MPZL1: variants seen among roughly 807,000 people sequenced by gnomAD.
The protein encoded by MPZL1 is myelin protein zero like 1.
A neutral mutation model predicts 29.3 loss-of-function variants in MPZL1; 16 were observed. The ratio of observed to expected loss-of-function variants is 0.55; its 90% CI spans 0.37 to 0.83. The LOEUF is 0.83. Ranked by LOEUF, MPZL1 falls within the 40% of genes least tolerant of loss-of-function variation. The probability of loss-of-function intolerance (pLI) is 0.00; values close to 1 mark genes in which losing one functional copy is unlikely to be tolerated. For missense variants in MPZL1, 279 were observed against 332.9 expected (o/e 0.84, Z 1.26); for synonymous variants, 143 against 132.0 (o/e 1.08, Z -0.57).
intron 1 of MPZL1, among the ~76,000 whole-genome samples, chr1:167,751,108 C>G (rs1389545406): frequency 1.3e-5 from 2 of 152,188 alleles, no homozygotes; most frequent in African/African-American, 4.8e-5. Context: ...AAGGTGTTGT[C>G]TGCCATGTTT....
At chr1:167,770,517 GT>G (rs1661217226) in intron 2 of MPZL1, among the ~76,000 whole-genome samples, 1 of 152,276 alleles carries the variant, frequency 6.6e-6, no homozygotes, top group Non-Finnish European at 1.5e-5. Flanking sequence ...AGAGTATCTT[GT>G]GTTATCTGGG....
At chr1:167,781,082 A>G (rs1661486742) in intron 5 of MPZL1, among the ~76,000 whole-genome samples, 1 of 152,138 alleles carries the variant, frequency 6.6e-6, no homozygotes, top group Non-Finnish European at 1.5e-5. Context: ...TTATACTTCT[A>G]ATAATAGAGC....
chr1:167,773,224 CTT>C lies in MPZL1; in HGVS notation c.473-10_473-9del, dbSNP rs1558123565. On this transcript the variant is annotated splice_polypyrimidine_tract_variant and intron_variant, in intron 3 of 5. Transcript: ENST00000359523. ...CAATGTACCTTAAAACTATTTTGTTCTTTCTCTCTAGAGAATTTGCCTGTGTT... is the reference window on the plus strand; with the variant it reads ...CAATGTACCTTAAAACTATTTTGTTCTCTCTCTAGAGAATTTGCCTGTGTT... The C allele has an allele frequency of 6.2e-7, 1 of 1,608,518 alleles. No individual in the cohort carries two copies. Among genetic ancestry groups the C allele is most frequent in the East Asian group, 2.2e-5 (1 of 44,792 alleles).
intron 1 of MPZL1, among the ~76,000 whole-genome samples, chr1:167,762,273 G>A (rs55968444): frequency 0.16 from 24,884 of 152,100 alleles, 2,360 homozygotes; most frequent in East Asian, 0.35. Context: ...ATTGTCTGTG[G>A]CAGTTGTCAG....
intron 1 of MPZL1, among the ~76,000 whole-genome samples, chr1:167,743,348 C>T (rs548020055): frequency 5.7e-4 from 87 of 151,988 alleles, no homozygotes; most frequent in Non-Finnish European, 1.1e-3. Context: ...GTAGCTGGGA[C>T]TACAGGCGCA....
rs182775918 is a variant in MPZL1, at chr1:167,784,478, A to G, written c.709-3342A>G. Among the ~76,000 whole-genome samples the G allele has an allele frequency of 1.8e-3, 279 of 152,308 alleles. 2 individuals carry two copies. Among genetic ancestry groups the G allele is most frequent in the South Asian group, 6.0e-3 (29 of 4,826 alleles). Reference sequence around the variant, plus strand: ...ATTATACCCAAAAGTGAATGTCTTAACAATGGTAGGTTCATTTCAAAGTTG... The same window carrying G: ...ATTATACCCAAAAGTGAATGTCTTAGCAATGGTAGGTTCATTTCAAAGTTG... On this transcript the variant is annotated intron_variant, in intron 5 of 5. Transcript: ENST00000359523.
chr1:167,790,393 A>C lies in MPZL1; in HGVS notation c.*2472A>C, dbSNP rs1274296122. ...GTTCTCACCAACCTTCCCCCCAGGC[A>C]AGGGCAGCTGCCAGCATGGTGCTCT... On this transcript the variant is annotated 3_prime_UTR_variant, in exon 6 of 6. Coordinates refer to ENST00000359523, the MANE Select transcript of MPZL1 (RefSeq NM_003953.6). The C allele has an allele frequency of 6.6e-6, 1 of 152,318 alleles. No individual in the cohort carries two copies. Among genetic ancestry groups the C allele is most frequent in the African/African-American group, 2.4e-5 (1 of 41,444 alleles). 9.4% of individuals were successfully genotyped at this position (152,318 alleles called of 1,614,324 possible). A position where few individuals can be genotyped will look rare whatever the true frequency, so the allele number is the denominator to read the frequency against.
At chr1:167,785,763 T>G (rs996340970) in intron 5 of MPZL1, among the ~76,000 whole-genome samples, 1 of 152,214 alleles carries the variant, frequency 6.6e-6, no homozygotes, top group Non-Finnish European at 1.5e-5. Flanking sequence ...AGGGAACAGT[T>G]AGTTTAATTC....
intron 1 of MPZL1, 136 bp downstream of exon 1, chr1:167,722,378 G>GGTCCCCTC: frequency 8.2e-7 from 1 of 1,220,080 alleles, no homozygotes; most frequent in Non-Finnish European, 1.0e-6. Context: ...GCGCTCTCTG[G>GGTCCCCTC]GGCCGAGGGG....
Position 167,788,003 on chromosome 1 carries a change from T to C in MPZL1, c.*82T>C, listed in dbSNP as rs1661624908. On this transcript the variant is annotated 3_prime_UTR_variant, in exon 6 of 6. Transcript: ENST00000359523. ...AGAAAATGTAGCCCATTACCACATGTAGCCTTGGAGACCCAGGCAAGGACA... is the reference window on the plus strand; with the variant it reads ...AGAAAATGTAGCCCATTACCACATGCAGCCTTGGAGACCCAGGCAAGGACA... 5 of 1,180,400 alleles carry C rather than the reference T, an allele frequency of 4.2e-6. No individual in the cohort carries two copies. The East Asian group carries it at 9.5e-5, about 22-fold the overall frequency. The allele number at this position is 1,180,400 out of a possible 1,614,324, so 73.1% of individuals were successfully genotyped here.
intron 1 of MPZL1, among the ~76,000 whole-genome samples, chr1:167,750,985 AT>A (rs1660743215): frequency 6.6e-6 from 1 of 152,174 alleles, no homozygotes; most frequent in Non-Finnish European, 1.5e-5. Flanking sequence ...GGCTATCCAT[AT>A]TTGGCAGGAA....
At chr1:167,753,230 A>G (rs1378885241) in intron 1 of MPZL1, among the ~76,000 whole-genome samples, 1 of 152,316 alleles carries the variant, frequency 6.6e-6, no homozygotes, top group East Asian at 1.9e-4. Flanking sequence ...CCCTGAGGTA[A>G]GCTGGCTGCG....
intron 1 of MPZL1, among the ~76,000 whole-genome samples, chr1:167,731,146 G>C (rs1261259778): frequency 6.6e-6 from 1 of 152,142 alleles, no homozygotes; most frequent in African/African-American, 2.4e-5. Context: ...TTTAAGACCA[G>C]AAAATGGGCC....
rs1033760812 is a variant in MPZL1 at position 167,791,621 on chromosome 1, G to C, written c.*3700G>C. ...GAGAAGAGGGGCTGGGCCTGGGGCC[G>C]CTGTTTGATCCACAGCCTTGTTCCT... On this transcript the variant is annotated 3_prime_UTR_variant, in exon 6 of 6. Transcript: ENST00000359523. 6.6e-6 allele frequency: 1 copy of C among 152,300 alleles called. No individual in the cohort carries two copies. The highest frequency in any genetic ancestry group is 1.9e-4 in the East Asian group (1 of 5,202). The allele number at this position is 152,300 out of a possible 1,614,324, so 9.4% of individuals were successfully genotyped here.
At chr1:167,737,510 G>C (rs982709576) in intron 1 of MPZL1, among the ~76,000 whole-genome samples, 3 of 152,160 alleles carry the variant, frequency 2.0e-5, no homozygotes, top group Non-Finnish European at 4.4e-5. Flanking sequence ...ATAAACGCTG[G>C]GGGGCTAGTA....
intron 5 of MPZL1, among the ~76,000 whole-genome samples, chr1:167,777,434 A>G (rs375687042): frequency 6.6e-6 from 1 of 152,364 alleles, no homozygotes; most frequent in East Asian, 1.9e-4. Context: ...ACTGCCTTGA[A>G]GCAGTTTCCA....
chr1:167,773,347 ACT>A lies in MPZL1; in HGVS notation c.587_588del (p.Ser196Ter). 1 of 1,613,178 alleles carries A rather than the reference ACT, an allele frequency of 6.2e-7. No individual in the cohort carries two copies. The highest frequency in any genetic ancestry group is 8.5e-7 in the Non-Finnish European group (1 of 1,179,654). Reference sequence around the variant, plus strand: ...CTGGCTGTCCTCTATAGAAGGAAAAACTCTAAACGGGATTACACTGGGTAAGA... The same window carrying A: ...CTGGCTGTCCTCTATAGAAGGAAAAACTAAACGGGATTACACTGGGTAAGA... On this transcript the variant is annotated frameshift_variant, in exon 4 of 6. Coordinates refer to ENST00000359523, the MANE Select transcript of MPZL1 (RefSeq NM_003953.6). LOFTEE classifies it high-confidence loss of function.
Position 167,737,532 on chromosome 1 carries a change from A to T in MPZL1, c.91+15290A>T, listed in dbSNP as rs6680816. Reference sequence around the variant, plus strand: ...CTGGGGGGCTAGTATATTTTAGCAGATCGGGTTGTTAGTACATTCTCTCCC... The same window carrying T: ...CTGGGGGGCTAGTATATTTTAGCAGTTCGGGTTGTTAGTACATTCTCTCCC... On this transcript the variant is annotated intron_variant, in intron 1 of 5. Transcript: ENST00000359523. Among the ~76,000 whole-genome samples, 388 of 152,296 alleles carry T rather than the reference A, an allele frequency of 2.5e-3. 3 individuals carry two copies. The highest frequency in any genetic ancestry group is 0.01 in the Middle Eastern group (3 of 294).
chr1:167,787,903 G>C lies in MPZL1; in HGVS notation c.792G>C (p.Ala264=). 1 of 1,611,802 alleles carries C rather than the reference G, an allele frequency of 6.2e-7. No homozygotes were observed. Among genetic ancestry groups the C allele is most frequent in the Non-Finnish European group, 8.5e-7 (1 of 1,177,942 alleles). Residue 264 remains alanine, a synonymous_variant, in exon 6 of 6, where the codon GCG becomes GCC. Coordinates refer to ENST00000359523, the MANE Select transcript of MPZL1 (RefSeq NM_003953.6). ...KINKSESVVY[A]DIRKN ...ACAAGTCAGAGTCTGTGGTGTATGC[G>C]GATATCCGAAAGAATTAAGAGAATA...
Sources: gnomAD v4.1 joint callset for allele counts (sites outside exome capture counted in the v4.1 genomes callset) on GRCh38, gnomAD v4.1.1 for gene constraint, MANE v1.5 for transcripts, NCBI Gene and HGNC (gene_info 2026-07-23, HGNC 2026-07-21) for gene names.